The following NELFA variants were observed in gnomAD, a reference collection of about 807,000 sequenced individuals.
NELFA encodes the protein negative elongation factor complex member A, also known as negative elongation factor A.
Under a neutral mutation model 51.8 loss-of-function variants are expected in NELFA, and 35 were observed. The ratio of observed to expected loss-of-function variants is 0.68; its 90% confidence interval spans 0.52 to 0.90. The LOEUF (loss-of-function observed/expected upper bound fraction) is 0.90, where lower values mean the gene tolerates loss of function less well. NELFA is among the 40% of genes least tolerant of loss of function. The probability of loss-of-function intolerance (pLI) is 0.00; values close to 1 mark genes in which losing one functional copy is unlikely to be tolerated. For missense variants in NELFA, 658 were observed against 746.4 expected (o/e 0.88, Z 1.38); for synonymous variants, 417 against 338.4 (o/e 1.23, Z -2.55).
At chr4:1,991,768 C>A in intron 1 of NELFA, 53 bp from the exon 2 acceptor site, 1 of 1,528,990 alleles carries the variant, frequency 6.5e-7, no homozygotes, top group Non-Finnish European at 8.8e-7. Context: ...CTTCCAAGCC[C>A]ACTCCCTGCT....
At chr4:1,985,268 A>G (rs1440899919) in intron 7 of NELFA, among the ~76,000 whole-genome samples, 1 of 152,212 alleles carries the variant, frequency 6.6e-6, no homozygotes, top group Non-Finnish European at 1.5e-5. Context: ...CGGCGGGAAG[A>G]AAGGAGCTTA....
intron 1 of NELFA, among the ~76,000 whole-genome samples, chr4:2,001,296 G>A (rs1317755345): frequency 6.6e-6 from 1 of 152,158 alleles, no homozygotes; most frequent in Non-Finnish European, 1.5e-5. Flanking sequence ...GTTCTGGCCA[G>A]GGCAATTAGG....
chr4:1,992,241 C>A (rs1390651961), intron 1 of NELFA: 6 of 235,454 alleles, frequency 2.5e-5, no homozygotes, highest in Non-Finnish European at 5.1e-5. Flanking sequence ...TGCCTAGTCA[C>A]CATCTAGGCA....
intron 1 of NELFA, among the ~76,000 whole-genome samples, chr4:1,996,362 C>G (rs576274): frequency 6.6e-6 from 1 of 152,002 alleles, no homozygotes; most frequent in South Asian, 2.1e-4. Context: ...TTGTGGGATG[C>G]GGCTTACACT....
chr4:1,986,582 A>G, intron 4 of NELFA, 180 bp from the exon 5 acceptor site: 2 of 908,356 alleles, frequency 2.2e-6, no homozygotes, highest in Non-Finnish European at 3.3e-6. Context: ...GAACGCCTGG[A>G]GCCACGACCT....
intron 1 of NELFA, among the ~76,000 whole-genome samples, chr4:1,995,770 G>A (rs957568657): frequency 6.6e-6 from 1 of 152,084 alleles, no homozygotes; most frequent in Non-Finnish European, 1.5e-5. Context: ...TATACACTTG[G>A]ATGCACCTAA....
intron 4 of NELFA, 75 bp downstream of exon 4, chr4:1,987,831 ACCTCCCCAACAG>A: frequency 8.8e-7 from 1 of 1,137,902 alleles, no homozygotes; most frequent in South Asian, 1.6e-5. Context: ...CACAGGCACC[ACCTCCCCAACAG>A]GGAGCGGGTC....
At chr4:1,984,950 A>AG (rs1728037270) in intron 7 of NELFA, 31 bp from the exon 8 acceptor site, 1 of 1,491,670 alleles carries the variant, frequency 6.7e-7, no homozygotes, top group Non-Finnish European at 9.1e-7. Flanking sequence ...TTCCTTCCAG[A>AG]AGAGGCCATG....
intron 2 of NELFA, chr4:1,990,576 G>C (rs1197753902): frequency 4.4e-6 from 2 of 449,494 alleles, no homozygotes; most frequent in African/African-American, 4.0e-5. Flanking sequence ...CAGGTGGGGA[G>C]AGGTGCCACT....
chr4:1,985,926 A>C, intron 6 of NELFA, 62 bp from the exon 7 acceptor site: 2 of 1,457,354 alleles, frequency 1.4e-6, no homozygotes, highest in Non-Finnish European at 1.9e-6. Flanking sequence ...AGCTCAGGGC[A>C]GCGGCAGGGA....
intron 1 of NELFA, among the ~76,000 whole-genome samples, chr4:1,996,168 G>C (rs576506165): frequency 6.6e-6 from 1 of 152,074 alleles, no homozygotes; most frequent in East Asian, 1.9e-4. Context: ...AATTTCAAAC[G>C]ACTAAAATAA....
chr4:1,994,323 G>T (rs1728363939), intron 1 of NELFA, among the ~76,000 whole-genome samples: 1 of 152,180 alleles, frequency 6.6e-6, no homozygotes, highest in Non-Finnish European at 1.5e-5. Flanking sequence ...CCAGCACTCT[G>T]GGAGGCTAGG....
At chr4:1,992,218 A>G (rs1324968815) in intron 1 of NELFA, 1 of 228,816 alleles carries the variant, frequency 4.4e-6, no homozygotes, top group Non-Finnish European at 8.8e-6. Context: ...AGCACCCGTG[A>G]CAGCTGAGCT....
intron 1 of NELFA, among the ~76,000 whole-genome samples, chr4:1,995,400 G>C (rs908407025): frequency 6.6e-6 from 1 of 152,152 alleles, no homozygotes; most frequent in Non-Finnish European, 1.5e-5. Flanking sequence ...ATGTAGAAAA[G>C]TTTAATTTTC....
intron 1 of NELFA, among the ~76,000 whole-genome samples, chr4:1,998,795 A>G (rs1728497423): frequency 6.6e-6 from 1 of 152,178 alleles, no homozygotes; most frequent in East Asian, 1.9e-4. Context: ...AAATACAGAG[A>G]ACCCCACTAA....
chr4:2,001,858 G>C (rs1364352001), intron 1 of NELFA, among the ~76,000 whole-genome samples: 6 of 151,292 alleles, frequency 4.0e-5, no homozygotes, highest in Non-Finnish European at 5.9e-5. Flanking sequence ...AGCCGAGATC[G>C]TGCCACTGCA....
chr4:1,991,752 TGCCCACTTCCAA>T, intron 1 of NELFA, 37 bp from the exon 2 acceptor site: 3 of 1,551,540 alleles, frequency 1.9e-6, no homozygotes, highest in Non-Finnish European at 2.6e-6. Context: ...ACCATGCCCC[TGCCCACTTCCAA>T]GCCCACTCCC....
chr4:1,983,048 T>C lies in NELFA; in HGVS notation c.*271A>G, dbSNP rs1248023411. 1 of 349,472 alleles carries C rather than the reference T, an allele frequency of 2.9e-6. No individual in the cohort carries two copies. The highest frequency in any genetic ancestry group is 5.1e-6 in the Non-Finnish European group (1 of 195,318). The allele number at this position is 349,472 out of a possible 1,614,324, so 21.6% of individuals were successfully genotyped here. On this transcript the variant is annotated 3_prime_UTR_variant, in exon 11 of 11. Coordinates refer to ENST00000382882, the MANE Select transcript of NELFA (RefSeq NM_005663.5). ...CTAAAATTAGGAAGTTGTAACTTTT[T>C]TGGTTAATTTACTTACTACATTCAA...
chr4:1,983,271 C>G lies in NELFA; in HGVS notation c.*48G>C. 6.4e-7 allele frequency: 1 copy of G among 1,564,222 alleles called. No homozygotes were observed. Among genetic ancestry groups the G allele is most frequent in the Non-Finnish European group, 8.7e-7 (1 of 1,147,854 alleles). ...GGTTACTTTAAGCTGGCAAAGCCAT[C>G]GTCCCGTGGACCCCCACAAGTGACG... On this transcript the variant is annotated 3_prime_UTR_variant, in exon 11 of 11. Transcript: ENST00000382882.
Sources: allele counts gnomAD v4.1 joint callset (sites outside exome capture counted in the v4.1 genomes callset), GRCh38; gene constraint gnomAD v4.1.1; transcripts MANE v1.5; gene names NCBI Gene and HGNC (gene_info 2026-07-23, HGNC 2026-07-21).